KLF12: variants seen among roughly 807,000 people sequenced by gnomAD.
KLF12 encodes the protein Krueppel-like factor 12.
In KLF12, 9 loss-of-function variants were observed where a neutral mutation model predicts 37.8. That is an observed-to-expected ratio of 0.24 (90% CI 0.14 to 0.42). The LOEUF (loss-of-function observed/expected upper bound fraction) is 0.42. Ranked by LOEUF, KLF12 falls within the 10% of genes least tolerant of loss-of-function variation. The probability of loss-of-function intolerance (pLI) is 1.00; values close to 1 mark genes in which losing one functional copy is unlikely to be tolerated. For synonymous variants in KLF12, 208 were observed against 202.1 expected (o/e 1.03, Z -0.25); for missense variants, 411 against 516.0 (o/e 0.80, Z 1.97).
At chr13:73,836,718 G>C (rs774571979) in intron 4 of KLF12, among the ~76,000 whole-genome samples, 6 of 151,548 alleles carry the variant, frequency 4.0e-5, no homozygotes, top group Non-Finnish European at 8.8e-5. Context: ...TATTCACAAG[G>C]GAAATAAAAG....
rs781165573 is a variant in KLF12 at position 73,789,834 on chromosome 13, G to A, written c.806+23318C>T. On this transcript the variant is annotated intron_variant, in intron 5 of 7. Transcript: ENST00000377669. ...TGGGACTACAGGCGTCCGCCACTAC[G>A]CCCGGTTTATTTTTTGTATTTTTAG... Among the ~76,000 whole-genome samples, 4 of 152,058 alleles carry A rather than the reference G, an allele frequency of 2.6e-5. No homozygotes were observed. In the East Asian group the frequency reaches 5.8e-4, roughly 22 times the overall value.
At chr13:73,706,721 G>A (rs1053567557) in intron 7 of KLF12, among the ~76,000 whole-genome samples, 10 of 152,136 alleles carry the variant, frequency 6.6e-5, no homozygotes, top group African/African-American at 1.9e-4. Flanking sequence ...CATAGAGCTC[G>A]CTCAGGGCTT....
intron 3 of KLF12, among the ~76,000 whole-genome samples, chr13:73,921,920 A>G (rs1007174172): frequency 6.6e-6 from 1 of 152,180 alleles, no homozygotes; most frequent in South Asian, 2.1e-4. Flanking sequence ...AGAGATTACA[A>G]AGGAAAGAGG....
chr13:74,280,389 C>T, the KLF12 span, among the ~76,000 whole-genome samples: 4 of 152,164 alleles, frequency 2.6e-5, no homozygotes, highest in Non-Finnish European at 5.9e-5. Context: ...ACAGTCTGTT[C>T]CTTAGACTTC....
At chr13:74,204,715 C>T in the KLF12 span, among the ~76,000 whole-genome samples, 11 of 151,998 alleles carry the variant, frequency 7.2e-5, no homozygotes, top group African/African-American at 1.9e-4. Context: ...TGTATGAACC[C>T]GGCTATTACT....
At chr13:74,227,828 A>G in the KLF12 span, among the ~76,000 whole-genome samples, 1 of 152,180 alleles carries the variant, frequency 6.6e-6, no homozygotes, top group African/African-American at 2.4e-5. Context: ...AGAACAAATA[A>G]AAACATAGTC....
chr13:74,272,775 G>T, the KLF12 span, among the ~76,000 whole-genome samples: 3 of 152,180 alleles, frequency 2.0e-5, no homozygotes, highest in African/African-American at 4.8e-5. Flanking sequence ...GTGATCTAAA[G>T]AATATTTTCA....
At chr13:73,907,671 T>G (rs975073609) in intron 3 of KLF12, among the ~76,000 whole-genome samples, 6 of 152,254 alleles carry the variant, frequency 3.9e-5, no homozygotes, top group Non-Finnish European at 8.8e-5. Context: ...AGGTGTTAGA[T>G]GGCACAGTTC....
intron 1 of KLF12, among the ~76,000 whole-genome samples, chr13:74,048,424 G>T (rs1593856690): frequency 6.7e-6 from 1 of 148,610 alleles, no homozygotes. Flanking sequence ...CTCAAGGACT[G>T]TTTTTTTTTT....
At chr13:73,944,244 T>C (rs1593766067) in intron 2 of KLF12, among the ~76,000 whole-genome samples, 174 bp from the exon 3 acceptor site, 2 of 152,310 alleles carry the variant, frequency 1.3e-5, no homozygotes, top group East Asian at 3.9e-4. Context: ...CTCTGAACTT[T>C]CATTTGAAAT....
the KLF12 span, among the ~76,000 whole-genome samples, chr13:74,174,174 G>T: frequency 9.2e-5 from 14 of 152,114 alleles, no homozygotes; most frequent in South Asian, 2.7e-3. Context: ...TCCAATCTTT[G>T]CCATCTTTGT....
intron 1 of KLF12, among the ~76,000 whole-genome samples, chr13:74,002,105 G>A (rs975431959): frequency 9.9e-5 from 15 of 152,262 alleles, no homozygotes; most frequent in South Asian, 2.1e-4. Context: ...ACAGGTTGCC[G>A]AGTGCCTTAC....
intron 2 of KLF12, among the ~76,000 whole-genome samples, chr13:73,974,266 A>T (rs2138129766): frequency 6.6e-6 from 1 of 151,502 alleles, no homozygotes; most frequent in South Asian, 2.1e-4. Context: ...TTGTTACAGA[A>T]TGATCCAAAA....
At position 73,862,055 on chromosome 13, in the gene KLF12, G is replaced by T. The variant is rs897543274; in HGVS notation, c.124-15682C>A. Among the ~76,000 whole-genome samples the T allele has an allele frequency of 2.3e-3, 323 of 143,018 alleles. 2 individuals are homozygous for T. Among genetic ancestry groups the T allele is most frequent in the African/African-American group, 7.0e-3 (272 of 38,798 alleles). The allele number at this position is 143,018 out of a possible 152,430, so 93.8% of individuals were successfully genotyped here. On this transcript the variant is annotated intron_variant, in intron 3 of 7. Transcript: ENST00000377669. Reference sequence around the variant, plus strand: ...AACAGAAGAGTGCAGATATAGTTGGGTTTTTTTTTTTTTTTTGAAAAATCA... The same window carrying T: ...AACAGAAGAGTGCAGATATAGTTGGTTTTTTTTTTTTTTTTTGAAAAATCA...
the KLF12 span, among the ~76,000 whole-genome samples, chr13:74,279,141 G>T: frequency 6.6e-6 from 1 of 152,076 alleles, no homozygotes; most frequent in African/African-American, 2.4e-5. Flanking sequence ...TTCCCTCTTG[G>T]ACATACCTGT....
chr13:74,154,167 A>G, the KLF12 span, among the ~76,000 whole-genome samples: 145,283 of 151,670 alleles, frequency 0.96, 69,879 homozygotes, highest in East Asian at 1. Context: ...CCTGGGAGGC[A>G]GAGGTTGCAG....
chr13:74,061,791 T>C (rs1873607802), intron 1 of KLF12, among the ~76,000 whole-genome samples: 1 of 152,218 alleles, frequency 6.6e-6, no homozygotes, highest in Non-Finnish European at 1.5e-5. Flanking sequence ...ACGTAAAGTA[T>C]TGTAGAAATC....
At chr13:73,977,093 C>T (rs1891548266) in intron 2 of KLF12, among the ~76,000 whole-genome samples, 1 of 151,200 alleles carries the variant, frequency 6.6e-6, no homozygotes, top group African/African-American at 2.4e-5. Flanking sequence ...CTCTGTCACC[C>T]AGATTGGAGT....
At chr13:74,243,295 T>TA in the KLF12 span, among the ~76,000 whole-genome samples, 1 of 152,136 alleles carries the variant, frequency 6.6e-6, no homozygotes, top group Non-Finnish European at 1.5e-5. Flanking sequence ...TCATTTTTTT[T>TA]ATGGCTGCAT....
Sources: gnomAD v4.1 joint callset for allele counts (sites outside exome capture counted in the v4.1 genomes callset) on GRCh38, gnomAD v4.1.1 for gene constraint, MANE v1.5 for transcripts, NCBI Gene and HGNC (gene_info 2026-07-23, HGNC 2026-07-21) for gene names.